The following SIPA1 variants were observed in gnomAD, a reference collection of about 807,000 sequenced individuals.
The protein encoded by SIPA1 is signal-induced proliferation-associated 1.
In SIPA1, 51 loss-of-function variants were observed where a neutral mutation model predicts 88.1. The ratio of observed to expected loss-of-function variants is 0.58; its 90% CI spans 0.46 to 0.73. SIPA1 has a LOEUF of 0.73. SIPA1 is among the 30% of genes least tolerant of loss of function. The pLI is 0.00. For missense variants in SIPA1, 1,348 were observed against 1,467.6 expected (o/e 0.92, Z 1.33); for synonymous variants, 681 against 664.8 (o/e 1.02, Z -0.37).
Position 65,640,824 on chromosome 11 carries a change from C to T in SIPA1, c.-91-7C>T. On this transcript the variant is annotated splice_polypyrimidine_tract_variant and splice_region_variant and intron_variant, in intron 1 of 15. Transcript: ENST00000534313. ...AGGCCCCTCTGAGCAGCCCCCTCCT[C>T]CTTCAGGGCAGGAACTGCTGCCACA... 2.6e-6 allele frequency: 3 copies of T among 1,136,852 alleles called. No individual in the cohort carries two copies. In the South Asian group the frequency reaches 5.0e-5, roughly 19 times the overall value. The allele number at this position is 1,136,852 out of a possible 1,614,324, so 70.4% of individuals were successfully genotyped here.
At position 65,650,703 on chromosome 11, in the gene SIPA1, C is replaced by CT; in HGVS notation, c.3117_3118insT (p.Asp1040Ter). ...CCAAGCAGCTGGGCTCACCCACCGC[C>CT]GACCTGGCCTGAGCCGTCTGGAACC... On this transcript the variant is annotated frameshift_variant, in exon 16 of 16. Coordinates refer to ENST00000534313, the MANE Select transcript of SIPA1 (RefSeq NM_006747.4). LOFTEE classifies it high-confidence loss of function. 6.3e-7 allele frequency: 1 copy of CT among 1,579,312 alleles called. No homozygotes were observed. The highest frequency in any genetic ancestry group is 8.6e-7 in the Non-Finnish European group (1 of 1,162,706).
chr11:65,650,258 C>T, intron 14 of SIPA1, 66 bp downstream of exon 14: 2 of 1,573,290 alleles, frequency 1.3e-6, no homozygotes, highest in Non-Finnish European at 1.7e-6. Context: ...TGCCTGTCTG[C>T]TGGGGTGGAG....
Position 65,642,238 on chromosome 11 carries a change from G to T in SIPA1, c.680-12G>T, listed in dbSNP as rs1034654617. ...GGCGGGACCAATCGTTTTCTTCGGC[G>T]CGGTCCCCCAGAACATCAGAACTTC... On this transcript the variant is annotated splice_polypyrimidine_tract_variant and intron_variant, in intron 2 of 15. Transcript: ENST00000534313. The surrounding 1 kb of genome is among the most constrained non-coding windows in gnomAD (Gnocchi z 6.5). The T allele has an allele frequency of 6.5e-7, 1 of 1,550,172 alleles. No homozygotes were observed. The highest frequency in any genetic ancestry group is 1.2e-5 in the South Asian group (1 of 83,862).
At chr11:65,647,147 C>T (rs1590923585) in intron 8 of SIPA1, 82 bp downstream of exon 8, 1 of 1,418,466 alleles carries the variant, frequency 7.0e-7, no homozygotes. Flanking sequence ...CCGCCTTTGT[C>T]CCCTACTCCT....
At chr11:65,648,631 C>T (rs1370831480) in intron 9 of SIPA1, among the ~76,000 whole-genome samples, 1 of 151,866 alleles carries the variant, frequency 6.6e-6, no homozygotes, top group African/African-American at 2.4e-5. Flanking sequence ...GTCAGGAGTT[C>T]GAGACCAGCC....
chr11:65,645,982 T>G (rs2135520538), intron 6 of SIPA1, 25 bp downstream of exon 6: 2 of 1,560,394 alleles, frequency 1.3e-6, no homozygotes, highest in Admixed American at 3.5e-5. Flanking sequence ...AACGTGGGGG[T>G]GGGGCTTCCG....
Position 65,642,044 on chromosome 11 carries a change from G to A in SIPA1, c.680-206G>A, listed in dbSNP as rs974116883. ...TTAGGCCTGGGAGCTGGCCGCGTGGGTCTAGGTCTGGGTCTGGGTCCACCT... is the reference window on the plus strand; with the variant it reads ...TTAGGCCTGGGAGCTGGCCGCGTGGATCTAGGTCTGGGTCTGGGTCCACCT... On this transcript the variant is annotated intron_variant, in intron 2 of 15. Coordinates refer to ENST00000534313, the MANE Select transcript of SIPA1 (RefSeq NM_006747.4). The surrounding 1 kb of genome is among the most constrained non-coding windows in gnomAD (Gnocchi z 6.5). The A allele has an allele frequency of 2.0e-5, 14 of 684,532 alleles. No homozygotes were observed. The highest frequency in any genetic ancestry group is 3.1e-5 in the Non-Finnish European group (13 of 423,202). The allele number at this position is 684,532 out of a possible 1,614,324, so 42.4% of individuals were successfully genotyped here. A position where few individuals can be genotyped will look rare whatever the true frequency, so the allele number is the denominator to read the frequency against.
intron 4 of SIPA1, among the ~76,000 whole-genome samples, chr11:65,643,453 A>C (rs2084731984): frequency 6.6e-6 from 1 of 152,180 alleles, no homozygotes; most frequent in African/African-American, 2.4e-5. Context: ...TCAGTCATTC[A>C]ACAAACATTT....
chr11:65,647,156 C>T (rs958424289), intron 8 of SIPA1, 91 bp downstream of exon 8: 1 of 1,415,220 alleles, frequency 7.1e-7, no homozygotes. Context: ...TCCCCTACTC[C>T]TGCGGAAGGG....
chr11:65,649,197 T>C (rs1000581449), intron 9 of SIPA1, 65 bp from the exon 10 acceptor site: 2 of 1,166,876 alleles, frequency 1.7e-6, no homozygotes, highest in African/African-American at 3.1e-5. Flanking sequence ...GGGCTGGGGG[T>C]GGGGCTAGTG....
rs1403184588 is a variant in SIPA1, at chr11:65,646,714, G to A, written c.1680G>A (p.Leu560=). The change falls in exon 8 of 16, where the codon CTG becomes CTA. Residue 560 remains leucine (L), a synonymous_variant. Coordinates refer to ENST00000534313, the MANE Select transcript of SIPA1 (RefSeq NM_006747.4). This position sits in a 1 kb window ranked among gnomAD's most constrained non-coding sequence, Gnocchi z 7.5. ...CTTCACGCTTCGGCCTGCCCTCCCT[G>A]GGTGGGAGGCGCCGGGCGGCCCCTC... ...DSASRFGLPS[L]GGRRRAAPRG... 24 of 1,537,334 alleles carry A rather than the reference G, an allele frequency of 1.6e-5. No individual in the cohort carries two copies. In the East Asian group the frequency reaches 3.2e-4, roughly 20 times the overall value.
rs773922164 is a variant in SIPA1 at position 65,645,888 on chromosome 11, A to G, written c.1194A>G (p.Thr398=). The G allele has an allele frequency of 9.9e-6, 16 of 1,613,546 alleles. No individual in the cohort carries two copies. The highest frequency in any genetic ancestry group is 9.3e-5 in the African/African-American group (7 of 74,884). The part of the protein sequence containing the change: ...DSTGTHSLYT[T]YQDHEIMFHV... ...CAGGCACGCACTCCCTCTACACCAC[A>G]TACCAGGACCACGAGATCATGTTCC... The change falls in exon 6 of 16, where the codon ACA becomes ACG. Residue 398 remains threonine, a synonymous_variant. Transcript: ENST00000534313.
rs1856078815 is a variant in SIPA1, at chr11:65,644,993, G to A, written c.1023G>A (p.Arg341=). 1 of 1,613,834 alleles carries A rather than the reference G, an allele frequency of 6.2e-7. No homozygotes were observed. The highest frequency in any genetic ancestry group is 8.5e-7 in the Non-Finnish European group (1 of 1,179,892). ...FQRKVGILYC[R]AGQGSEEEMY... ...GCAAGGTGGGCATCCTGTACTGCCGGGCGGGCCAGGGCTCGGAGGAGGAGA... is the reference window on the plus strand; with the variant it reads ...GCAAGGTGGGCATCCTGTACTGCCGAGCGGGCCAGGGCTCGGAGGAGGAGA... The change falls in exon 5 of 16, where the codon CGG becomes CGA. Residue 341 remains arginine, a synonymous_variant. Transcript: ENST00000534313.
Position 65,642,477 on chromosome 11 carries a change from T to C in SIPA1, c.822T>C (p.Arg274=). 6.2e-7 allele frequency: 1 copy of C among 1,611,796 alleles called. No individual in the cohort carries two copies. Among genetic ancestry groups the C allele is most frequent in the Admixed American group, 1.7e-5 (1 of 59,936 alleles). The change falls in exon 4 of 16, where the codon CGT becomes CGC. Residue 274 remains arginine, a synonymous_variant. Transcript: ENST00000534313. The surrounding 1 kb of genome is among the most constrained non-coding windows in gnomAD (Gnocchi z 6.5). Reference sequence around the variant, plus strand: ...CCCTTCCTCAGCTCCGGACACTCCGTGGCACCATCTCGGAGGACGCGCTGC... The same window carrying C: ...CCCTTCCTCAGCTCCGGACACTCCGCGGCACCATCTCGGAGGACGCGCTGC... ...IVRTTQLRTL[R]GTISEDALPP...
At chr11:65,641,668 C>A in intron 2 of SIPA1, 68 bp downstream of exon 2, 1 of 1,352,552 alleles carries the variant, frequency 7.4e-7, no homozygotes, top group Non-Finnish European at 1.0e-6. Flanking sequence ...ACCTGCAGTG[C>A]ACACAGTAGG....
chr11:65,642,505 C>T lies in SIPA1; in HGVS notation c.850C>T (p.Pro284Ser). 1 of 1,610,632 alleles carries T rather than the reference C, an allele frequency of 6.2e-7. No homozygotes were observed. Residue 284 changes from proline to serine, a missense_variant, in exon 4 of 16, where the codon CCG becomes TCG. Coordinates refer to ENST00000534313, the MANE Select transcript of SIPA1 (RefSeq NM_006747.4). This position sits in a 1 kb window ranked among gnomAD's most constrained non-coding sequence, Gnocchi z 6.5. ...RGTISEDALP[P>S]GPPRGLSPRK... ...CACCATCTCGGAGGACGCGCTGCCGCCGGGGCCCCCACGGGGTCTGTCCCC... is the reference window on the plus strand; with the variant it reads ...CACCATCTCGGAGGACGCGCTGCCGTCGGGGCCCCCACGGGGTCTGTCCCC...
At position 65,646,827 on chromosome 11, in the gene SIPA1, A is replaced by C; in HGVS notation, c.1793A>C (p.Gln598Pro). ...APGARVAAGA[Q>P]ASGPEGIEVP... ...GGGGCGCGGGTCGCCGCCGGGGCTC[A>C]GGCGAGCGGCCCCGAAGGCATCGAG... Residue 598 changes from glutamine to proline, a missense_variant, in exon 8 of 16, where the codon CAG (glutamine) becomes CCG (proline). By Grantham distance (76) the Gln-to-Pro change is moderately conservative. Around this residue, in one of 4 missense-constraint regions of SIPA1, gnomAD observed 68 missense variants for 59.0 expected, o/e 1.15. Coordinates refer to ENST00000534313, the MANE Select transcript of SIPA1 (RefSeq NM_006747.4). This position sits in a 1 kb window ranked among gnomAD's most constrained non-coding sequence, Gnocchi z 7.5. The C allele has an allele frequency of 7.7e-7, 1 of 1,304,958 alleles. No individual in the cohort carries two copies. Among genetic ancestry groups the C allele is most frequent in the Non-Finnish European group, 9.7e-7 (1 of 1,029,780 alleles). 80.8% of individuals were successfully genotyped at this position (1,304,958 alleles called of 1,614,324 possible).
Position 65,649,361 on chromosome 11 carries a change from C to G in SIPA1, c.2406C>G (p.Pro802=), listed in dbSNP as rs754893060. The G allele has an allele frequency of 6.4e-7, 1 of 1,566,294 alleles. No individual in the cohort carries two copies. ...AGGTCCAGGGGGTGACCCTGCTGCC[C>G]ACCACAAAGCAGCTGCTGCACCTGT... The part of the protein sequence containing the change: ...QDEVQGVTLL[P]TTKQLLHLCL... Residue 802 remains proline (P), a synonymous_variant, in exon 10 of 16, where the codon CCC becomes CCG. Transcript: ENST00000534313.
chr11:65,650,246 C>A lies in SIPA1; in HGVS notation c.2903+54C>A, dbSNP rs956435102. 3.1e-6 allele frequency: 5 copies of A among 1,588,398 alleles called. No individual in the cohort carries two copies. In the East Asian group the frequency reaches 6.7e-5, roughly 21 times the overall value. On this transcript the variant is annotated intron_variant, in intron 14 of 15. Transcript: ENST00000534313. ...TTACCTGCCCACATGACCCCCCCTT[C>A]GTGCCTGTCTGCTGGGGTGGAGCTC...
Sources: gnomAD v4.1 joint callset for allele counts (sites outside exome capture counted in the v4.1 genomes callset) on GRCh38, gnomAD v4.1.1 for gene constraint, gnomAD v4.1.1 regional missense constraint, Gnocchi (gnomAD v3.1) non-coding constraint, MANE v1.5 for transcripts, NCBI Gene and HGNC (gene_info 2026-07-23, HGNC 2026-07-21) for gene names.